IL6ST: variants seen among roughly 807,000 people sequenced by gnomAD.
IL6ST encodes interleukin 6 cytokine family signal transducer, also known as interleukin-6 receptor subunit beta.
In IL6ST, 24 loss-of-function variants were observed where a neutral mutation model predicts 91.3. The ratio of observed to expected loss-of-function variants is 0.26; its 90% CI spans 0.19 to 0.37. The LOEUF (loss-of-function observed/expected upper bound fraction) is 0.37. Ranked by LOEUF, IL6ST falls within the 10% of genes least tolerant of loss-of-function variation. IL6ST has a pLI of 1.00. For synonymous variants in IL6ST, 351 were observed against 373.6 expected, an observed-to-expected ratio of 0.94 and a Z score of 0.70; for missense variants, 914 against 1,078.5, an observed-to-expected ratio of 0.85 and a Z score of 2.14.
chr5:55,961,344 A>G (rs1752303820), intron 7 of IL6ST, among the ~76,000 whole-genome samples: 1 of 152,156 alleles, frequency 6.6e-6, no homozygotes. Context: ...CAGTGCAGTT[A>G]GTACTCTGGG....
chr5:55,985,105 A>G (rs903327361), intron 1 of IL6ST, among the ~76,000 whole-genome samples: 28 of 152,198 alleles, frequency 1.8e-4, no homozygotes, highest in Admixed American at 6.5e-5. Flanking sequence ...ATTTTCTTGT[A>G]TGCTTGTCTT....
chr5:55,990,489 G>A (rs1407707184), intron 1 of IL6ST, among the ~76,000 whole-genome samples: 1 of 151,982 alleles, frequency 6.6e-6, no homozygotes, highest in African/African-American at 2.4e-5. Context: ...TTATCTCCAG[G>A]CTATGAAGGT....
intron 1 of IL6ST, among the ~76,000 whole-genome samples, chr5:55,987,766 A>C (rs2111928937): frequency 6.6e-6 from 1 of 152,344 alleles, no homozygotes; most frequent in East Asian, 1.9e-4. Context: ...GCTCATTGTA[A>C]CTACTCAATA....
At chr5:55,967,453 C>T (rs1440144509) in intron 5 of IL6ST, among the ~76,000 whole-genome samples, 1 of 148,916 alleles carries the variant, frequency 6.7e-6, no homozygotes, top group Non-Finnish European at 1.5e-5. Context: ...CATAAATTCA[C>T]AAAGTATGGA....
rs1314540957 is a variant in IL6ST at position 55,936,957 on chromosome 5, A to C, written c.*4125T>G. 5.0e-6 allele frequency: 1 copy of C among 201,192 alleles called. No homozygotes were observed. Among genetic ancestry groups the C allele is most frequent in the African/African-American group, 2.3e-5 (1 of 43,606 alleles). The allele number at this position is 201,192 out of a possible 1,614,324, so 12.5% of individuals were successfully genotyped here. On this transcript the variant is annotated 3_prime_UTR_variant, in exon 17 of 17. Transcript: ENST00000381298. The stretch of plus-strand genomic sequence containing the variant: ...TCAGTCACTGCATTGTCCTACTAGC[A>C]AATTGCACATTTATTTTTAGAGTAT...
In IL6ST at chr5:55,974,952, C is replaced by CACAT. The variant is rs1345833558; in HGVS notation, c.64+1259_64+1262dup. ...TATTATTCATACACACACACACACACACATACACACACACACACACACACA... is the reference window on the plus strand; with the variant it reads ...TATTATTCATACACACACACACACACACATACATACACACACACACACACACACA... On this transcript the variant is annotated intron_variant, in intron 3 of 16. Coordinates refer to ENST00000381298, the MANE Select transcript of IL6ST (RefSeq NM_002184.4). Among the ~76,000 whole-genome samples the CACAT allele has an allele frequency of 2.0e-5, 3 of 148,036 alleles. No homozygotes were observed. The East Asian group carries it at 5.8e-4, about 29-fold the overall frequency.
At position 55,976,288 on chromosome 5, in the gene IL6ST, A is replaced by C; in HGVS notation, c.-10T>G. On this transcript the variant is annotated 5_prime_UTR_variant, in exon 3 of 17. Coordinates refer to ENST00000381298, the MANE Select transcript of IL6ST (RefSeq NM_002184.4). Reference sequence around the variant, plus strand: ...TCTGCAACGTCAACATCTTGCGCGGATATTTCTGCAACAGACACATGTAAT... The same window carrying C: ...TCTGCAACGTCAACATCTTGCGCGGCTATTTCTGCAACAGACACATGTAAT... 1.9e-6 allele frequency: 3 copies of C among 1,570,894 alleles called. No individual in the cohort carries two copies. The highest frequency in any genetic ancestry group is 2.7e-5 in the African/African-American group (2 of 73,304).
At chr5:55,957,353 A>AG in intron 8 of IL6ST, 62 bp from the exon 9 acceptor site, 1 of 848,870 alleles carries the variant, frequency 1.2e-6, no homozygotes, top group African/African-American at 1.8e-5. Context: ...AAAATTCTGC[A>AG]AATTATTCTT....
At chr5:55,954,616 C>G (rs527900070) in intron 11 of IL6ST, among the ~76,000 whole-genome samples, 194 bp downstream of exon 11, 1 of 152,144 alleles carries the variant, frequency 6.6e-6, no homozygotes, top group African/African-American at 2.4e-5. Context: ...AAGTATTAAC[C>G]CCACTCTGTT....
intron 5 of IL6ST, 99 bp from the exon 6 acceptor site, chr5:55,964,411 T>C (rs543660432): frequency 4.1e-6 from 3 of 733,956 alleles, no homozygotes; most frequent in South Asian, 2.0e-5. Flanking sequence ...ACCTAGATTG[T>C]TGTAGCAAAC....
intron 11 of IL6ST, among the ~76,000 whole-genome samples, chr5:55,953,466 T>C (rs1204727336): frequency 1.3e-5 from 2 of 152,188 alleles, no homozygotes; most frequent in Non-Finnish European, 2.9e-5. Context: ...CTTGGCTCAC[T>C]GCAACCTCCG....
rs1351109603 is a variant in IL6ST, at chr5:55,939,561, C to T, written c.*1521G>A. ...CCTCTAGAAACTATTCTAAGCATGCCTGGTTTCTGTAACTTAAATATGGCA... is the reference window on the plus strand; with the variant it reads ...CCTCTAGAAACTATTCTAAGCATGCTTGGTTTCTGTAACTTAAATATGGCA... On this transcript the variant is annotated 3_prime_UTR_variant, in exon 17 of 17. Coordinates refer to ENST00000381298, the MANE Select transcript of IL6ST (RefSeq NM_002184.4). 4.9e-6 allele frequency: 1 copy of T among 204,732 alleles called. No individual in the cohort carries two copies. The highest frequency in any genetic ancestry group is 1.0e-5 in the Non-Finnish European group (1 of 99,956). The allele number at this position is 204,732 out of a possible 1,614,324, so 12.7% of individuals were successfully genotyped here. A position where few individuals can be genotyped will look rare whatever the true frequency, so the allele number is the denominator to read the frequency against.
Position 55,941,071 on chromosome 5 carries a change from C to A in IL6ST, c.*11G>T. The A allele has an allele frequency of 6.3e-7, 1 of 1,597,580 alleles. No individual in the cohort carries two copies. The highest frequency in any genetic ancestry group is 8.5e-7 in the Non-Finnish European group (1 of 1,171,596). ...GGTACTGCTGAAGTTGTAGCAGGAA[C>A]TACTAGTCCTTCACTGAGGCATGTA... On this transcript the variant is annotated 3_prime_UTR_variant, in exon 17 of 17. Transcript: ENST00000381298.
Position 55,945,009 on chromosome 5 carries a change from C to T in IL6ST, c.1938-2258G>A, listed in dbSNP as rs145637687. The stretch of plus-strand genomic sequence containing the variant: ...GTGTAACAACCATATAATAAATCAC[C>T]TCTTCCGCTGTTTTAGCTGAGGAAT... On this transcript the variant is annotated intron_variant, in intron 15 of 16. Coordinates refer to ENST00000381298, the MANE Select transcript of IL6ST (RefSeq NM_002184.4). Among the ~76,000 whole-genome samples the T allele has an allele frequency of 2.1e-5, 3 of 145,618 alleles. No homozygotes were observed. The South Asian group carries it at 6.5e-4, about 32-fold the overall frequency.
At chr5:55,973,717 G>C (rs1331969237) in intron 3 of IL6ST, among the ~76,000 whole-genome samples, 4 of 152,112 alleles carry the variant, frequency 2.6e-5, no homozygotes, top group Non-Finnish European at 5.9e-5. Context: ...AATCATGAGA[G>C]GTATTATTAT....
chr5:55,941,939 T>C, intron 16 of IL6ST, 120 bp from the exon 17 acceptor site: 1 of 819,590 alleles, frequency 1.2e-6, no homozygotes, highest in Non-Finnish European at 1.9e-6. Context: ...TGTCACTAAG[T>C]CACTGTCAAC....
At chr5:55,987,211 T>C (rs1477794571) in intron 1 of IL6ST, among the ~76,000 whole-genome samples, 1 of 152,190 alleles carries the variant, frequency 6.6e-6, no homozygotes, top group African/African-American at 2.4e-5. Context: ...TTCCTTTGTA[T>C]AGATCCGTAT....
chr5:55,959,694 A>G (rs1303344956), intron 8 of IL6ST: 1 of 1,215,758 alleles, frequency 8.2e-7, no homozygotes, highest in South Asian at 1.3e-5. Context: ...AAATGAATAA[A>G]AGGTATAATA....
Position 55,951,578 on chromosome 5 carries a change from C to T in IL6ST, c.1726G>A (p.Glu576Lys), listed in dbSNP as rs1751636198. The change falls in exon 14 of 17, where the codon GAA becomes AAA. Residue 576 changes from glutamate (E) to lysine (K), a missense_variant. Glu to Lys is a moderately conservative substitution (Grantham distance 56). Transcript: ENST00000381298. The part of the protein sequence containing the change: ...TAVNVDSSHT[E>K]YTLSSLTSDT... Reference sequence around the variant, plus strand: ...CTAGTCAAAGAGGACAATGTATATTCTGTGTGGGAAGAATCCACATTCACA... The same window carrying T: ...CTAGTCAAAGAGGACAATGTATATTTTGTGTGGGAAGAATCCACATTCACA... 1 of 1,612,268 alleles carries T rather than the reference C, an allele frequency of 6.2e-7. No homozygotes were observed. Among genetic ancestry groups the T allele is most frequent in the African/African-American group, 1.3e-5 (1 of 74,852 alleles).
Sources: allele counts gnomAD v4.1 joint callset (sites outside exome capture counted in the v4.1 genomes callset), GRCh38; gene constraint gnomAD v4.1.1; transcripts MANE v1.5; gene names NCBI Gene and HGNC (gene_info 2026-07-23, HGNC 2026-07-21).